Variants in VWC2L observed in about 807,000 individuals in gnomAD.
The protein encoded by VWC2L is von Willebrand factor C domain-containing protein 2-like.
A neutral mutation model predicts 21.6 loss-of-function variants in VWC2L; 10 were observed. The observed-to-expected ratio is 0.46, with a 90% CI of 0.29 to 0.78. VWC2L has a LOEUF of 0.78. VWC2L is among the 30% of genes least tolerant of loss of function. The pLI, the probability that VWC2L is intolerant of heterozygous loss-of-function variation, is 0.10. For synonymous variants in VWC2L, 96 were observed against 94.3 expected, an observed-to-expected ratio of 1.02 and a Z score of -0.10; for missense variants, 209 against 277.1, an observed-to-expected ratio of 0.75 and a Z score of 1.74.
intron 3 of VWC2L, among the ~76,000 whole-genome samples, chr2:214,449,943 C>G (rs1264543222): frequency 6.6e-6 from 1 of 152,108 alleles, no homozygotes; most frequent in Non-Finnish European, 1.5e-5. Context: ...TTCTGGAAGG[C>G]TAAGCTCGGT....
intron 3 of VWC2L, among the ~76,000 whole-genome samples, chr2:214,437,977 A>G (rs1702702330): frequency 6.6e-6 from 1 of 152,046 alleles, no homozygotes; most frequent in South Asian, 2.1e-4. Context: ...TTTTCTTCTT[A>G]TCTCCTTTCT....
At chr2:214,555,154 G>A (rs1009513506) in intron 3 of VWC2L, among the ~76,000 whole-genome samples, 1 of 152,336 alleles carries the variant, frequency 6.6e-6, no homozygotes, top group African/African-American at 2.4e-5. Flanking sequence ...CAGGAAGAGT[G>A]TAACCCTTTC....
chr2:214,485,205 A>C (rs983754882), intron 3 of VWC2L, among the ~76,000 whole-genome samples: 1 of 152,070 alleles, frequency 6.6e-6, no homozygotes, highest in African/African-American at 2.4e-5. Flanking sequence ...CTGTAGTCCC[A>C]CTACTCAGGT....
intron 2 of VWC2L, among the ~76,000 whole-genome samples, chr2:214,433,334 G>T (rs1702632454): frequency 1.3e-5 from 2 of 151,760 alleles, no homozygotes; most frequent in South Asian, 4.2e-4. Context: ...GAGTTTTCTT[G>T]TATAAAATTT....
At chr2:214,434,126 C>A (rs528142626) in intron 2 of VWC2L, among the ~76,000 whole-genome samples, 11 of 152,238 alleles carry the variant, frequency 7.2e-5, no homozygotes, top group African/African-American at 2.6e-4. Flanking sequence ...TTTTATTTTT[C>A]TCATTTATGT....
At chr2:214,518,431 G>T (rs115708695) in intron 3 of VWC2L, among the ~76,000 whole-genome samples, 1 of 152,128 alleles carries the variant, frequency 6.6e-6, no homozygotes, top group African/African-American at 2.4e-5. Context: ...GATGATGCAG[G>T]TCTTTGGCAA....
intron 3 of VWC2L, among the ~76,000 whole-genome samples, chr2:214,489,538 T>C (rs1688717762): frequency 6.6e-6 from 1 of 152,164 alleles, no homozygotes; most frequent in Admixed American, 6.5e-5. Context: ...TGGTAACCAA[T>C]GGAAATCATG....
chr2:214,568,756 G>A (rs1690106024), intron 3 of VWC2L, among the ~76,000 whole-genome samples: 1 of 152,198 alleles, frequency 6.6e-6, no homozygotes, highest in Non-Finnish European at 1.5e-5. Context: ...TGGCTATTCT[G>A]AATATTCTGT....
chr2:214,556,462 G>C (rs1689874418), intron 3 of VWC2L, among the ~76,000 whole-genome samples: 1 of 152,032 alleles, frequency 6.6e-6, no homozygotes. Flanking sequence ...CTCTTTTTAA[G>C]AACTTTCCTA....
intron 3 of VWC2L, among the ~76,000 whole-genome samples, chr2:214,439,722 A>T (rs1473075051): frequency 6.6e-6 from 1 of 151,884 alleles, no homozygotes; most frequent in Non-Finnish European, 1.5e-5. Context: ...TATATTAAAG[A>T]TATAAACTTT....
chr2:214,429,799 ACC>A (rs1174539472), intron 2 of VWC2L, among the ~76,000 whole-genome samples: 1 of 151,874 alleles, frequency 6.6e-6, no homozygotes, highest in East Asian at 1.9e-4. Flanking sequence ...TTAAAACTTT[ACC>A]AAAAAAATTT....
chr2:214,438,465 T>C (rs1355836481), intron 3 of VWC2L, among the ~76,000 whole-genome samples: 1 of 151,982 alleles, frequency 6.6e-6, no homozygotes, highest in African/African-American at 2.4e-5. Context: ...CCCACATGGC[T>C]CTGGTTAGCT....
At chr2:214,469,067 CTTCT>C (rs142763267) in intron 3 of VWC2L, among the ~76,000 whole-genome samples, 18,604 of 152,034 alleles carry the variant, frequency 0.12, 1,421 homozygotes, top group East Asian at 0.25. Flanking sequence ...ATTTTTAAAA[CTTCT>C]TTGTTATCAA....
At chr2:214,415,939 TAC>T (rs1198837077) in intron 2 of VWC2L, among the ~76,000 whole-genome samples, 1 of 152,080 alleles carries the variant, frequency 6.6e-6, no homozygotes, top group African/African-American at 2.4e-5. Flanking sequence ...GAGAGTAGAG[TAC>T]ATTTATTAAT....
chr2:214,489,331 T>G (rs1295189265), intron 3 of VWC2L, among the ~76,000 whole-genome samples: 1 of 152,152 alleles, frequency 6.6e-6, no homozygotes, highest in South Asian at 2.1e-4. Context: ...GAATATAAAT[T>G]TTTGTTTTTA....
At chr2:214,532,513 T>C (rs952134630) in intron 3 of VWC2L, among the ~76,000 whole-genome samples, 1 of 152,150 alleles carries the variant, frequency 6.6e-6, no homozygotes, top group African/African-American at 2.4e-5. Context: ...CCTTTTATGA[T>C]TGTGTTGAAA....
intron 3 of VWC2L, among the ~76,000 whole-genome samples, chr2:214,498,598 G>A (rs1216691930): frequency 6.6e-6 from 1 of 150,870 alleles, no homozygotes; most frequent in Non-Finnish European, 1.5e-5. Flanking sequence ...CTTTTAATAT[G>A]TTCTATGTTC....
At position 214,567,547 on chromosome 2, in the gene VWC2L, TACACACACACACAC is replaced by T. The variant is rs71409879; in HGVS notation, c.521-8089_521-8076del. On this transcript the variant is annotated intron_variant, in intron 3 of 3. Transcript: ENST00000312504. ...TCATCCATTCACCCCTTCATCCACA[TACACACACACACAC>T]ACACACACACACACACACACACACA... Among the ~76,000 whole-genome samples, 579 of 119,932 alleles carry T rather than the reference TACACACACACACAC, an allele frequency of 4.8e-3. 11 individuals are homozygous for T. Among genetic ancestry groups the T allele is most frequent in the East Asian group, 9.8e-3 (41 of 4,186 alleles). The allele number at this position is 119,932 out of a possible 152,430, so 78.7% of individuals were successfully genotyped here. A position where few individuals can be genotyped will look rare whatever the true frequency, so the allele number is the denominator to read the frequency against.
chr2:214,492,306 T>C (rs1378285928), intron 3 of VWC2L, among the ~76,000 whole-genome samples: 1 of 151,980 alleles, frequency 6.6e-6, no homozygotes, highest in Non-Finnish European at 1.5e-5. Context: ...GCACTCAGAG[T>C]GTGATGTGTG....
Sources: gnomAD v4.1 joint callset for allele counts (sites outside exome capture counted in the v4.1 genomes callset) on GRCh38, gnomAD v4.1.1 for gene constraint, MANE v1.5 for transcripts, NCBI Gene and HGNC (gene_info 2026-07-23, HGNC 2026-07-21) for gene names.